The following NAV3 variants were observed in gnomAD, a reference collection of about 807,000 sequenced individuals.
The protein encoded by NAV3 is neuron navigator 3.
A neutral mutation model predicts 244.7 loss-of-function variants in NAV3; 87 were observed. The observed-to-expected ratio is 0.36, with a 90% CI of 0.30 to 0.42. The LOEUF (loss-of-function observed/expected upper bound fraction) is 0.42, where lower values mean the gene tolerates loss of function less well. Among genes scored for constraint, NAV3 ranks in the 20% least tolerant of loss-of-function variants. The pLI, the probability that NAV3 is intolerant of heterozygous loss-of-function variation, is 1.00. For missense variants in NAV3, 2,663 were observed against 2,893.3 expected, an observed-to-expected ratio of 0.92 and a Z score of 1.83; for synonymous variants, 1,126 against 1,042.2, an observed-to-expected ratio of 1.08 and a Z score of -1.55.
In NAV3 at chr12:78,122,173, C is replaced by T. The variant is rs2138692152; in HGVS notation, c.3983C>T (p.Ser1328Leu). ...LTTDVISLSH[S>L]LASSPASVHS... ...ACAGATGTTATAAGCTTAAGTCACT[C>T]GTTGGCCTCCAGCCCAGCATCGGTT... Residue 1328 changes from serine (S) to leucine (L), a missense_variant, in exon 16 of 40, where the codon TCG (serine) becomes TTG (leucine). By Grantham distance (145) the Ser-to-Leu change is moderately radical (BLOSUM62 -2). Transcript: ENST00000397909. 1.2e-6 allele frequency: 2 copies of T among 1,614,108 alleles called. No homozygotes were observed. Among genetic ancestry groups the T allele is most frequent in the South Asian group, 1.1e-5 (1 of 91,070 alleles).
chr12:77,777,479 G>T (rs1334353041), intron 2 of NAV3, among the ~76,000 whole-genome samples: 1 of 152,124 alleles, frequency 6.6e-6, no homozygotes, highest in Admixed American at 6.5e-5. Context: ...CTGGACAAAA[G>T]GATGACTAAC....
At chr12:78,188,418 C>A in intron 32 of NAV3, 75 bp downstream of exon 32, 2 of 1,293,480 alleles carry the variant, frequency 1.5e-6, no homozygotes, top group Non-Finnish European at 2.2e-6. Flanking sequence ...ACTTCAATAG[C>A]AGAGACACAT....
In NAV3 at chr12:77,698,241, C is replaced by T. The variant is rs77781810; in HGVS notation, c.72+125975C>T. 4.9e-3 allele frequency among the ~76,000 whole-genome samples: 741 copies of T among 152,184 alleles called. 6 individuals carry two copies. The highest frequency in any genetic ancestry group is 0.017 in the African/African-American group (708 of 41,560). On this transcript the variant is annotated intron_variant, in intron 2 of 8. Transcript: ENST00000550042. The stretch of plus-strand genomic sequence containing the variant: ...CATTCTTCTATGAGATCAACCACAG[C>T]GTTAATATCTTGGCTAGCTTTTTTG...
At chr12:77,670,807 C>A (rs532621230) in intron 2 of NAV3, among the ~76,000 whole-genome samples, 1 of 151,858 alleles carries the variant, frequency 6.6e-6, no homozygotes, top group Non-Finnish European at 1.5e-5. Flanking sequence ...AAATGCCATC[C>A]GTGACAAACC....
At position 77,623,676 on chromosome 12, in the gene NAV3, G is replaced by C. The variant is rs550263913; in HGVS notation, c.72+51410G>C. On this transcript the variant is annotated intron_variant, in intron 2 of 8. Transcript: ENST00000550042. ...GGTATCTTTATACACTTGTTGTCTC[G>C]AAGAATACTAAAATGCCAGGATTTT... 5.3e-5 allele frequency among the ~76,000 whole-genome samples: 8 copies of C among 152,262 alleles called. No individual in the cohort carries two copies. The East Asian group carries it at 1.5e-3, about 29-fold the overall frequency.
chr12:77,599,456 T>C (rs1870322389), intron 2 of NAV3, among the ~76,000 whole-genome samples: 1 of 151,922 alleles, frequency 6.6e-6, no homozygotes, highest in Non-Finnish European at 1.5e-5. Flanking sequence ...TGTGACCTTT[T>C]ATCTGGTATA....
At chr12:77,830,245 C>T (rs1199238231), upstream of NAV3, among the ~76,000 whole-genome samples, 2 of 152,128 alleles carry the variant, frequency 1.3e-5, no homozygotes, top group African/African-American at 4.8e-5. Flanking sequence ...TTAAGTTGGA[C>T]GTCATAAGCT....
intron 2 of NAV3, among the ~76,000 whole-genome samples, chr12:77,754,837 G>C (rs1869046202): frequency 1.3e-5 from 2 of 152,114 alleles, no homozygotes; most frequent in South Asian, 4.1e-4. Flanking sequence ...TGTGTTGCCA[G>C]AGTCATATTC....
intron 18 of NAV3, among the ~76,000 whole-genome samples, chr12:78,135,327 A>G (rs1221842896): frequency 6.6e-6 from 1 of 152,182 alleles, no homozygotes; most frequent in Non-Finnish European, 1.5e-5. Context: ...TTAATTGAAC[A>G]CTCTTAAATA....
At chr12:78,210,180 T>C (rs1030398886) in intron 39 of NAV3, among the ~76,000 whole-genome samples, 1 of 152,092 alleles carries the variant, frequency 6.6e-6, no homozygotes, top group Admixed American at 6.6e-5. Context: ...AAAAGAGTTA[T>C]CCAGAGGCCC....
chr12:77,808,477 C>T (rs1211114162), intron 2 of NAV3, among the ~76,000 whole-genome samples: 2 of 152,162 alleles, frequency 1.3e-5, no homozygotes, highest in South Asian at 2.1e-4. Flanking sequence ...ACTGCAGACC[C>T]TGTTTGCCTG....
At chr12:78,112,583 A>T (rs1955154592) in intron 12 of NAV3, among the ~76,000 whole-genome samples, 1 of 152,168 alleles carries the variant, frequency 6.6e-6, no homozygotes, top group Admixed American at 6.5e-5. Context: ...ATCAAATCCC[A>T]TGAGAACTCA....
intron 1 of NAV3, among the ~76,000 whole-genome samples, chr12:77,934,119 G>A (rs544355378): frequency 2.6e-5 from 4 of 152,116 alleles, no homozygotes; most frequent in African/African-American, 4.8e-5. Flanking sequence ...TCTTTCTGCA[G>A]TGATGGGCTG....
chr12:77,583,245 C>T (rs1267190284), intron 2 of NAV3, among the ~76,000 whole-genome samples: 1 of 152,120 alleles, frequency 6.6e-6, no homozygotes, highest in Non-Finnish European at 1.5e-5. Flanking sequence ...AGATGTTCTC[C>T]TTTAAACTCT....
chr12:78,042,261 C>T (rs1880991104), intron 9 of NAV3, among the ~76,000 whole-genome samples: 1 of 152,130 alleles, frequency 6.6e-6, no homozygotes, highest in African/African-American at 2.4e-5. Flanking sequence ...ACACTTCTGC[C>T]CCCAGTTGAT....
At chr12:77,776,457 CT>C (rs1283209831) in intron 2 of NAV3, among the ~76,000 whole-genome samples, 2 of 152,052 alleles carry the variant, frequency 1.3e-5, no homozygotes, top group Non-Finnish European at 2.9e-5. Context: ...ATAAGCAAAC[CT>C]TTTTTTATAG....
rs1474189867 is a variant in NAV3, at chr12:77,660,637, G to GT, written c.72+88372dup. Among the ~76,000 whole-genome samples, 11 of 152,066 alleles carry GT rather than the reference G, an allele frequency of 7.2e-5. No individual in the cohort carries two copies. The South Asian group carries it at 2.3e-3, about 32-fold the overall frequency. Reference sequence around the variant, plus strand: ...ATATATATGTATGTATATTATATACGTGCATATATACAGACATGTTTAGGT... The same window carrying GT: ...ATATATATGTATGTATATTATATACGTTGCATATATACAGACATGTTTAGGT... On this transcript the variant is annotated intron_variant, in intron 2 of 8. Transcript: ENST00000550042.
chr12:77,752,637 C>T (rs1868918278), intron 2 of NAV3, among the ~76,000 whole-genome samples: 1 of 152,142 alleles, frequency 6.6e-6, no homozygotes, highest in Admixed American at 6.5e-5. Flanking sequence ...GGCCCTACCA[C>T]TCATATGTCT....
intron 5 of NAV3, among the ~76,000 whole-genome samples, chr12:77,978,766 T>A (rs1471279240): frequency 6.6e-6 from 1 of 151,952 alleles, no homozygotes; most frequent in Non-Finnish European, 1.5e-5. Flanking sequence ...TAACTTTTCA[T>A]AATCCCTTTT....
Sources: gnomAD v4.1 joint callset for allele counts (sites outside exome capture counted in the v4.1 genomes callset) on GRCh38, gnomAD v4.1.1 for gene constraint, MANE v1.5 for transcripts, NCBI Gene and HGNC (gene_info 2026-07-23, HGNC 2026-07-21) for gene names.